Variants in HS3ST2 observed in about 807,000 individuals in gnomAD.
HS3ST2 encodes heparan sulfate glucosamine 3-O-sulfotransferase 2.
In HS3ST2, 17 loss-of-function variants were observed where a neutral mutation model predicts 26.3. The observed-to-expected ratio is 0.65, with a 90% CI of 0.44 to 0.97. HS3ST2 has a LOEUF of 0.97. HS3ST2 is among the 50% of genes least tolerant of loss of function. The probability of loss-of-function intolerance (pLI) is 0.00; values close to 1 mark genes in which losing one functional copy is unlikely to be tolerated. For missense variants in HS3ST2, 402 were observed against 501.2 expected (o/e 0.80, Z 1.89); for synonymous variants, 237 against 219.2 (o/e 1.08, Z -0.72).
intron 1 of HS3ST2, among the ~76,000 whole-genome samples, chr16:22,914,182 C>T (rs1203937485): frequency 6.6e-6 from 1 of 151,660 alleles, no homozygotes; most frequent in Admixed American, 6.6e-5. Flanking sequence ...CCCTCATCTT[C>T]TAATTCTGCA....
chr16:22,817,121 A>T (rs1004868714), intron 1 of HS3ST2, among the ~76,000 whole-genome samples: 21 of 151,082 alleles, frequency 1.4e-4, no homozygotes, highest in African/African-American at 3.7e-4. Context: ...TTATTTATTT[A>T]TTTTTTTTTA....
intron 1 of HS3ST2, among the ~76,000 whole-genome samples, chr16:22,821,924 G>A (rs1319286741): frequency 6.6e-6 from 1 of 152,170 alleles, no homozygotes; most frequent in African/African-American, 2.4e-5. Flanking sequence ...GATTTCCTGG[G>A]CATGGGTCCA....
At chr16:22,825,134 A>G (rs977664569) in intron 1 of HS3ST2, among the ~76,000 whole-genome samples, 1 of 152,190 alleles carries the variant, frequency 6.6e-6, no homozygotes, top group African/African-American at 2.4e-5. Flanking sequence ...AATACGTTGG[A>G]ATCTCAGCTC....
At chr16:22,862,339 C>T (rs35471983) in intron 1 of HS3ST2, among the ~76,000 whole-genome samples, 6 of 142,750 alleles carry the variant, frequency 4.2e-5, no homozygotes, top group African/African-American at 1.1e-4. Flanking sequence ...AGACTGTGGG[C>T]TAGTTGGAGC....
intron 1 of HS3ST2, among the ~76,000 whole-genome samples, chr16:22,822,477 T>G (rs1376552037): frequency 6.6e-6 from 1 of 152,170 alleles, no homozygotes; most frequent in Admixed American, 6.5e-5. Context: ...CTTCTTAATT[T>G]TTTTGCTTAA....
chr16:22,844,999 T>C (rs141574666), intron 1 of HS3ST2, among the ~76,000 whole-genome samples: 8,589 of 149,068 alleles, frequency 0.058, 826 homozygotes, highest in African/African-American at 0.2. Flanking sequence ...GGATTACAGG[T>C]GCCTGCCACC....
chr16:22,871,804 G>A (rs1484736922), intron 1 of HS3ST2, among the ~76,000 whole-genome samples: 2 of 152,164 alleles, frequency 1.3e-5, no homozygotes, highest in Non-Finnish European at 2.9e-5. Flanking sequence ...CCTACATTGA[G>A]GGCAGCTGCT....
intron 1 of HS3ST2, among the ~76,000 whole-genome samples, chr16:22,903,998 G>A (rs1232985941): frequency 6.6e-6 from 1 of 152,114 alleles, no homozygotes; most frequent in African/African-American, 2.4e-5. Context: ...GAGCAGCCTT[G>A]TCAGTGAAGG....
At chr16:22,842,570 T>C (rs926666635) in intron 1 of HS3ST2, among the ~76,000 whole-genome samples, 10 of 152,148 alleles carry the variant, frequency 6.6e-5, no homozygotes, top group East Asian at 3.9e-4. Context: ...CTTCTACTTA[T>C]TTATATTTTT....
intron 1 of HS3ST2, among the ~76,000 whole-genome samples, chr16:22,849,264 T>A (rs1901487199): frequency 6.6e-6 from 1 of 152,198 alleles, no homozygotes; most frequent in Non-Finnish European, 1.5e-5. Context: ...CTCACAGATG[T>A]ATGTACTTAC....
At chr16:22,824,686 G>T (rs958668177) in intron 1 of HS3ST2, among the ~76,000 whole-genome samples, 7 of 152,206 alleles carry the variant, frequency 4.6e-5, no homozygotes, top group African/African-American at 1.4e-4. Flanking sequence ...TTCTTTGTGT[G>T]CTTTTAACTG....
At chr16:22,841,343 G>A (rs1391681855) in intron 1 of HS3ST2, among the ~76,000 whole-genome samples, 1 of 152,160 alleles carries the variant, frequency 6.6e-6, no homozygotes, top group Admixed American at 6.5e-5. Flanking sequence ...TTACAGGCAT[G>A]AGCCACAGCG....
rs1423881029 is a variant in HS3ST2, at chr16:22,814,501, C to G, written c.-110C>G. On this transcript the variant is annotated 5_prime_UTR_variant, in exon 1 of 2. Coordinates refer to ENST00000261374, the MANE Select transcript of HS3ST2 (RefSeq NM_006043.2). ...GACGGCGCCCCCAACGCCCGACCCGCGTGGCCGTGGCAGCGCCACGCGAGC... is the reference window on the plus strand; with the variant it reads ...GACGGCGCCCCCAACGCCCGACCCGGGTGGCCGTGGCAGCGCCACGCGAGC... 7.8e-7 allele frequency: 1 copy of G among 1,280,502 alleles called. No homozygotes were observed. Among genetic ancestry groups the G allele is most frequent in the Admixed American group, 3.4e-5 (1 of 29,380 alleles). 79.3% of individuals were successfully genotyped at this position (1,280,502 alleles called of 1,614,324 possible). A position where few individuals can be genotyped will look rare whatever the true frequency, so the allele number is the denominator to read the frequency against.
intron 1 of HS3ST2, among the ~76,000 whole-genome samples, chr16:22,909,146 A>C (rs1448045103): frequency 6.6e-6 from 1 of 152,224 alleles, no homozygotes; most frequent in African/African-American, 2.4e-5. Flanking sequence ...GGTTCCTAAT[A>C]GCCTAACTTT....
chr16:22,855,696 G>GTCTCTCTCTCTCTCTC lies in HS3ST2; in HGVS notation c.485+40619_485+40634dup, dbSNP rs3078722. Among the ~76,000 whole-genome samples the GTCTCTCTCTCTCTCTC allele has an allele frequency of 1.8e-3, 264 of 143,042 alleles. 3 individuals carry two copies. The highest frequency in any genetic ancestry group is 0.011 in the East Asian group (50 of 4,744). The allele number at this position is 143,042 out of a possible 152,430, so 93.8% of individuals were successfully genotyped here. On this transcript the variant is annotated intron_variant, in intron 1 of 1. Transcript: ENST00000261374. The stretch of plus-strand genomic sequence containing the variant: ...TCTCTGTCTGTCTCTCTGTCTCTCT[G>GTCTCTCTCTCTCTCTC]TCTCTCTCTCTCTCTCTCTCTCTCT...
intron 1 of HS3ST2, among the ~76,000 whole-genome samples, chr16:22,840,190 G>C (rs1901331828): frequency 6.6e-6 from 1 of 152,196 alleles, no homozygotes; most frequent in Admixed American, 6.5e-5. Context: ...AGGATTGCAT[G>C]GGCACATTTG....
intron 1 of HS3ST2, among the ~76,000 whole-genome samples, chr16:22,820,563 A>G (rs1225071931): frequency 6.6e-6 from 1 of 152,260 alleles, no homozygotes; most frequent in Non-Finnish European, 1.5e-5. Flanking sequence ...ATGAGAGCCA[A>G]GCAAAAGGGG....
chr16:22,834,668 A>G (rs939001340), intron 1 of HS3ST2, among the ~76,000 whole-genome samples: 1 of 151,962 alleles, frequency 6.6e-6, no homozygotes, highest in African/African-American at 2.4e-5. Flanking sequence ...TTTGTGGGTA[A>G]CCATGCTTTA....
chr16:22,875,880 A>G (rs1901908126), intron 1 of HS3ST2, among the ~76,000 whole-genome samples: 2 of 152,182 alleles, frequency 1.3e-5, no homozygotes, highest in Admixed American at 6.5e-5. Flanking sequence ...AGATACACAA[A>G]TGGTTCCCAA....
Sources: allele counts gnomAD v4.1 joint callset (sites outside exome capture counted in the v4.1 genomes callset), GRCh38; gene constraint gnomAD v4.1.1; transcripts MANE v1.5; gene names NCBI Gene and HGNC (gene_info 2026-07-23, HGNC 2026-07-21).